The following RAB30 variants were observed in gnomAD, a reference collection of about 807,000 sequenced individuals.
The protein encoded by RAB30 is RAB30, member RAS oncogene family.
Under a neutral mutation model 25.1 loss-of-function variants are expected in RAB30, and 9 were observed. The observed-to-expected ratio is 0.36, with a 90% CI of 0.22 to 0.63. The LOEUF is 0.63. Among genes scored for constraint, RAB30 ranks in the 20% least tolerant of loss-of-function variants. RAB30 has a pLI of 0.69. For synonymous variants in RAB30, 77 were observed against 86.4 expected (o/e 0.89, Z 0.60); for missense variants, 140 against 243.5 (o/e 0.58, Z 2.83).
intron 1 of RAB30, among the ~76,000 whole-genome samples, chr11:83,046,442 G>A (rs918554472): frequency 6.6e-6 from 1 of 152,070 alleles, no homozygotes; most frequent in Non-Finnish European, 1.5e-5. Context: ...GGCAAACTAT[G>A]GCTCATAGGC....
chr11:83,032,684 T>C (rs545172134), intron 1 of RAB30, among the ~76,000 whole-genome samples: 1 of 152,310 alleles, frequency 6.6e-6, no homozygotes, highest in South Asian at 2.1e-4. Flanking sequence ...CATTCTTTCA[T>C]ATGCATTGTA....
intron 1 of RAB30, among the ~76,000 whole-genome samples, chr11:83,018,038 C>T (rs1258770861): frequency 1.3e-5 from 2 of 152,128 alleles, no homozygotes; most frequent in South Asian, 2.1e-4. Context: ...TGGTGGCTCA[C>T]GCCTGTAATC....
chr11:83,057,552 T>TAA (rs1858482768), intron 1 of RAB30, among the ~76,000 whole-genome samples: 1 of 152,068 alleles, frequency 6.6e-6, no homozygotes, highest in African/African-American at 2.4e-5. Flanking sequence ...TGCAACAAAA[T>TAA]CAGAAACTGG....
intron 1 of RAB30, among the ~76,000 whole-genome samples, chr11:82,999,313 T>C (rs1316502120): frequency 6.6e-6 from 1 of 152,222 alleles, no homozygotes; most frequent in Non-Finnish European, 1.5e-5. Context: ...TCCAAAGGCA[T>C]ATGGTATCAT....
chr11:83,025,642 C>T (rs6592094), intron 1 of RAB30, among the ~76,000 whole-genome samples: 9,210 of 152,212 alleles, frequency 0.061, 888 homozygotes, highest in African/African-American at 0.2. Context: ...TAACGTATAG[C>T]TGTTACTTCA....
chr11:83,039,187 T>C (rs891393932), intron 1 of RAB30: 1 of 152,222 alleles, frequency 6.6e-6, no homozygotes, highest in African/African-American at 2.4e-5. Context: ...ATTTATTGAA[T>C]ATATAAATAA....
In RAB30 at chr11:83,049,778, T is replaced by A. The variant is rs140248690; in HGVS notation, c.-9+21913A>T. ...ATAGGCTTTGGAAAACACCTTGGCC[T>A]ACTTATTGATTATTATCAGGCATCT... On this transcript the variant is annotated intron_variant, in intron 1 of 4. Transcript: ENST00000527633. 1.2e-3 allele frequency among the ~76,000 whole-genome samples: 179 copies of A among 152,312 alleles called. 3 individuals carry two copies. In the East Asian group the frequency reaches 0.03, roughly 25 times the overall value.
At chr11:83,036,727 T>A (rs1418481896) in intron 1 of RAB30, among the ~76,000 whole-genome samples, 3 of 151,928 alleles carry the variant, frequency 2.0e-5, no homozygotes, top group African/African-American at 7.3e-5. Context: ...TCTGAGAAAG[T>A]GAGATGTGAG....
chr11:83,009,592 G>A (rs1270550145), intron 1 of RAB30, among the ~76,000 whole-genome samples: 1 of 151,514 alleles, frequency 6.6e-6, no homozygotes, highest in Non-Finnish European at 1.5e-5. Context: ...TGCCCAGGGA[G>A]CCAAAAACAC....
intron 1 of RAB30, among the ~76,000 whole-genome samples, chr11:83,054,669 T>C (rs1937097522): frequency 6.6e-6 from 1 of 151,610 alleles, no homozygotes; most frequent in African/African-American, 2.4e-5. Flanking sequence ...GAGACCAGCC[T>C]GGGCAATAGA....
chr11:83,006,892 T>A (rs977153701), intron 1 of RAB30, among the ~76,000 whole-genome samples: 1 of 152,170 alleles, frequency 6.6e-6, no homozygotes, highest in African/African-American at 2.4e-5. Flanking sequence ...TCAGACCAAC[T>A]TCCCTCAAAA....
intron 1 of RAB30, among the ~76,000 whole-genome samples, chr11:83,061,712 T>C (rs1336051739): frequency 7.5e-6 from 1 of 134,060 alleles, no homozygotes; most frequent in African/African-American, 3.1e-5. Flanking sequence ...TTTCTTTTCT[T>C]TTTTTTTTTT....
chr11:83,066,040 G>A (rs896938747), intron 1 of RAB30, among the ~76,000 whole-genome samples: 4 of 152,184 alleles, frequency 2.6e-5, no homozygotes, highest in Admixed American at 1.3e-4. Context: ...GGAGGCCTAC[G>A]TAGTTCTCAA....
Position 82,974,826 on chromosome 11 carries a change from A to G in RAB30, c.*7339T>C, listed in dbSNP as rs972954196. 6.6e-5 allele frequency: 10 copies of G among 151,988 alleles called. No individual in the cohort carries two copies. Among genetic ancestry groups the G allele is most frequent in the Admixed American group, 2.0e-4 (3 of 15,182 alleles). 9.4% of individuals were successfully genotyped at this position (151,988 alleles called of 1,614,324 possible). On this transcript the variant is annotated 3_prime_UTR_variant, in exon 5 of 5. Transcript: ENST00000527633. ...TGCATTTTATTTCATCTCTATACTA[A>G]AAGTCATGCATTAAAAGTGTGTACA...
intron 1 of RAB30, among the ~76,000 whole-genome samples, chr11:83,020,856 C>A (rs868142966): frequency 3.9e-5 from 6 of 151,986 alleles, no homozygotes; most frequent in Non-Finnish European, 5.9e-5. Context: ...CACTTTATGG[C>A]CTCCTCTCTG....
chr11:83,015,517 T>C (rs1275291801), intron 1 of RAB30, among the ~76,000 whole-genome samples: 1 of 152,184 alleles, frequency 6.6e-6, no homozygotes, highest in African/African-American at 2.4e-5. Context: ...CTTTTGGCCA[T>C]GTTAGGAAAT....
At position 82,981,869 on chromosome 11, in the gene RAB30, A is replaced by G; in HGVS notation, c.*296T>C. On this transcript the variant is annotated 3_prime_UTR_variant, in exon 5 of 5. Transcript: ENST00000527633. ...ATTTCCCCCCGGACTCTGTTTAGGA[A>G]TGCGCTTTTACTTGCTTTTTAAAAA... 1 of 361,308 alleles carries G rather than the reference A, an allele frequency of 2.8e-6. No homozygotes were observed. Among genetic ancestry groups the G allele is most frequent in the South Asian group, 3.1e-5 (1 of 32,556 alleles). The allele number at this position is 361,308 out of a possible 1,614,324, so 22.4% of individuals were successfully genotyped here. A position where few individuals can be genotyped will look rare whatever the true frequency, so the allele number is the denominator to read the frequency against.
intron 1 of RAB30, among the ~76,000 whole-genome samples, chr11:83,012,012 C>T (rs1420176336): frequency 6.6e-6 from 1 of 152,146 alleles, no homozygotes; most frequent in Non-Finnish European, 1.5e-5. Context: ...AGTCTGTTGT[C>T]ACCACTGAGG....
At chr11:83,024,394 C>G (rs1400307930) in intron 1 of RAB30, among the ~76,000 whole-genome samples, 1 of 152,200 alleles carries the variant, frequency 6.6e-6, no homozygotes, top group Non-Finnish European at 1.5e-5. Flanking sequence ...CTCAGGCTTC[C>G]CCACCCTGCC....
Sources: allele counts gnomAD v4.1 joint callset (sites outside exome capture counted in the v4.1 genomes callset), GRCh38; gene constraint gnomAD v4.1.1; transcripts MANE v1.5; gene names NCBI Gene and HGNC (gene_info 2026-07-23, HGNC 2026-07-21).